Variants in KSR1 observed in about 807,000 individuals in gnomAD.
The protein encoded by KSR1 is kinase suppressor of ras.
In KSR1, 35 loss-of-function variants were observed where a neutral mutation model predicts 92.9. That is an observed-to-expected ratio of 0.38 (90% CI 0.29 to 0.50). The LOEUF is 0.50. KSR1 is among the 20% of genes least tolerant of loss of function. The pLI is 0.94. For missense variants in KSR1, 972 were observed against 1,158.5 expected (o/e 0.84, Z 2.34); for synonymous variants, 467 against 472.6 (o/e 0.99, Z 0.15).
chr17:27,481,098 A>G (rs1016323383), intron 1 of KSR1, among the ~76,000 whole-genome samples: 1 of 152,236 alleles, frequency 6.6e-6, no homozygotes, highest in Non-Finnish European at 1.5e-5. Context: ...TGCCAGAGAC[A>G]TGAAACCATA....
rs56134506 is a variant in KSR1 at position 27,550,621 on chromosome 17, T to A, written c.285T>A (p.Ala95=). The change falls in exon 2 of 21, where the codon GCT becomes GCA. Residue 95 remains alanine, a synonymous_variant. Coordinates refer to ENST00000644974, the MANE Select transcript of KSR1 (RefSeq NM_001394583.1). ...AGAGGCAGTGCAAGCTGAGCGTGGC[T>A]CCCGGTGAGAGGACCCCAGAGCTCA... ...CKQRQCKLSV[A]PGERTPELNS... is the part of the protein sequence containing the mutation. 7,302 of 764,726 alleles carry A rather than the reference T, an allele frequency of 9.5e-3. 67 individuals are homozygous for A. Among genetic ancestry groups the A allele is most frequent in the Non-Finnish European group, 0.015 (6,107 of 417,886 alleles). 47.4% of individuals were successfully genotyped at this position (764,726 alleles called of 1,614,324 possible).
At chr17:27,552,426 C>A (rs1209301267) in intron 2 of KSR1, among the ~76,000 whole-genome samples, 2 of 152,170 alleles carry the variant, frequency 1.3e-5, no homozygotes, top group Admixed American at 1.3e-4. Context: ...TGGATGTCTC[C>A]AATAGCCCAG....
At chr17:27,517,822 G>T (rs1423732576) in intron 1 of KSR1, among the ~76,000 whole-genome samples, 1 of 152,136 alleles carries the variant, frequency 6.6e-6, no homozygotes, top group East Asian at 1.9e-4. Flanking sequence ...ATTGCAGTTG[G>T]GTCCCTATGT....
chr17:27,522,229 A>C (rs1216047257), intron 1 of KSR1, among the ~76,000 whole-genome samples: 1 of 152,224 alleles, frequency 6.6e-6, no homozygotes, highest in African/African-American at 2.4e-5. Flanking sequence ...GCAAGTTGAC[A>C]TGAAAAATCC....
At chr17:27,526,439 TAA>T (rs1163940983) in intron 1 of KSR1, 1 of 1,570,346 alleles carries the variant, frequency 6.4e-7, no homozygotes, top group South Asian at 1.2e-5. Context: ...CATTCCTTGG[TAA>T]AAGTTTGTAG....
At chr17:27,583,419 T>A (rs2072851627) in intron 4 of KSR1, among the ~76,000 whole-genome samples, 1 of 152,242 alleles carries the variant, frequency 6.6e-6, no homozygotes, top group African/African-American at 2.4e-5. Context: ...TGTTTCTTGC[T>A]CATGCCGCCT....
At position 27,618,559 on chromosome 17, in the gene KSR1, G is replaced by A. The variant is rs533162952; in HGVS notation, c.2627+1131G>A. 1.4e-4 allele frequency among the ~76,000 whole-genome samples: 22 copies of A among 152,314 alleles called. No individual in the cohort carries two copies. The East Asian group carries it at 4.1e-3, about 28-fold the overall frequency. Reference sequence around the variant, plus strand: ...AAGTCCTCACTCTGGGGCTGACTTCGGCAGTGGGCCGAGCACCATCTCTGT... The same window carrying A: ...AAGTCCTCACTCTGGGGCTGACTTCAGCAGTGGGCCGAGCACCATCTCTGT... On this transcript the variant is annotated intron_variant, in intron 19 of 20. Coordinates refer to ENST00000644974, the MANE Select transcript of KSR1 (RefSeq NM_001394583.1).
intron 2 of KSR1, among the ~76,000 whole-genome samples, chr17:27,555,511 C>CGTGTGTGTGTGTGTGTGT (rs71359222): frequency 6.0e-5 from 9 of 150,084 alleles, no homozygotes; most frequent in African/African-American, 2.0e-4. Flanking sequence ...TTTTGTTTGG[C>CGTGTGTGTGTGTGTGTGT]GTGTGTGTGT....
intron 1 of KSR1, among the ~76,000 whole-genome samples, chr17:27,467,848 TC>T (rs1300194141): frequency 1.4e-4 from 21 of 151,290 alleles, no homozygotes; most frequent in African/African-American, 4.8e-4. Context: ...TCTCGCTCTG[TC>T]CCCCAGGCTG....
At chr17:27,596,108 T>A (rs2073337085) in intron 9 of KSR1, among the ~76,000 whole-genome samples, 1 of 152,184 alleles carries the variant, frequency 6.6e-6, no homozygotes. Flanking sequence ...ATCATCACTA[T>A]CGTAATTGGA....
Position 27,577,399 on chromosome 17 carries a change from C to T in KSR1, c.373-93C>T. ...AGGCCGGCCCAGCCAGCAGCTGGCC[C>T]CTGCCACTCAGCAGGAGGCCAGCCT... On this transcript the variant is annotated intron_variant, in intron 2 of 20. Transcript: ENST00000644974. The surrounding 1 kb of genome is among the most constrained non-coding windows in gnomAD (Gnocchi z 4.5). 3 of 754,752 alleles carry T rather than the reference C, an allele frequency of 4.0e-6. No homozygotes were observed. Among genetic ancestry groups the T allele is most frequent in the East Asian group, 5.5e-5 (2 of 36,662 alleles). The allele number at this position is 754,752 out of a possible 1,614,324, so 46.8% of individuals were successfully genotyped here. A position where few individuals can be genotyped will look rare whatever the true frequency, so the allele number is the denominator to read the frequency against.
At chr17:27,497,509 C>T (rs2069031047) in intron 1 of KSR1, among the ~76,000 whole-genome samples, 1 of 152,210 alleles carries the variant, frequency 6.6e-6, no homozygotes, top group African/African-American at 2.4e-5. Context: ...TGTGACCTCC[C>T]TTTCTAAAAA....
chr17:27,470,240 G>GTTTT (rs546302787), intron 1 of KSR1, among the ~76,000 whole-genome samples: 3 of 114,388 alleles, frequency 2.6e-5, no homozygotes, highest in African/African-American at 3.4e-5. Context: ...TTTTGTTTGT[G>GTTTT]TTTTTTTTTT....
intron 1 of KSR1, among the ~76,000 whole-genome samples, chr17:27,515,443 A>T (rs953544097): frequency 6.6e-6 from 1 of 152,170 alleles, no homozygotes; most frequent in Non-Finnish European, 1.5e-5. Context: ...TACACGCCGC[A>T]TGACTGTAGT....
intron 1 of KSR1, among the ~76,000 whole-genome samples, chr17:27,498,398 T>C (rs2069066795): frequency 6.6e-6 from 1 of 151,356 alleles, no homozygotes; most frequent in South Asian, 2.1e-4. Context: ...CAACTTGATG[T>C]GACAATTCTA....
chr17:27,549,027 C>T (rs1429563892), intron 1 of KSR1, among the ~76,000 whole-genome samples: 3 of 152,178 alleles, frequency 2.0e-5, no homozygotes, highest in Non-Finnish European at 4.4e-5. Context: ...CATGTCAGTG[C>T]TCAAAATGTT....
At chr17:27,513,339 C>T (rs1001906608) in intron 1 of KSR1, among the ~76,000 whole-genome samples, 1 of 152,070 alleles carries the variant, frequency 6.6e-6, no homozygotes, top group Admixed American at 6.5e-5. Context: ...GTCTGTAATT[C>T]TGACACTTTG....
At chr17:27,594,839 CA>C (rs1390322516) in intron 9 of KSR1, among the ~76,000 whole-genome samples, 1 of 152,194 alleles carries the variant, frequency 6.6e-6, no homozygotes, top group East Asian at 1.9e-4. Context: ...ACAAAATAGG[CA>C]GTCAGGAAAC....
intron 1 of KSR1, among the ~76,000 whole-genome samples, chr17:27,458,117 T>A (rs1300312541): frequency 1.3e-5 from 2 of 152,230 alleles, no homozygotes; most frequent in African/African-American, 4.8e-5. Flanking sequence ...CAGTCAGTGC[T>A]GGGTATTATT....
Sources: gnomAD v4.1 joint callset for allele counts (sites outside exome capture counted in the v4.1 genomes callset) on GRCh38, gnomAD v4.1.1 for gene constraint, Gnocchi (gnomAD v3.1) non-coding constraint, MANE v1.5 for transcripts, NCBI Gene and HGNC (gene_info 2026-07-23, HGNC 2026-07-21) for gene names.